The following KLHL29 variants were observed in gnomAD, a reference collection of about 807,000 sequenced individuals.
KLHL29 encodes kelch like family member 29, also known as kelch-like protein 29.
Under a neutral mutation model 80.4 loss-of-function variants are expected in KLHL29, and 21 were observed. The observed-to-expected ratio is 0.26, with a 90% CI of 0.19 to 0.38. The LOEUF (loss-of-function observed/expected upper bound fraction) is 0.38, where lower values mean the gene tolerates loss of function less well. Ranked by LOEUF, KLHL29 falls within the 10% of genes least tolerant of loss-of-function variation. The pLI, the probability that KLHL29 is intolerant of heterozygous loss-of-function variation, is 1.00. For synonymous variants in KLHL29, 511 were observed against 526.8 expected (o/e 0.97, Z 0.41); for missense variants, 867 against 1,223.9 (o/e 0.71, Z 4.35).
intron 3 of KLHL29, among the ~76,000 whole-genome samples, chr2:23,576,730 G>A (rs376119075): frequency 1.6e-4 from 24 of 152,302 alleles, no homozygotes; most frequent in East Asian, 5.8e-4. Context: ...AGTAACCGCC[G>A]CGTCCAGCAA....
At chr2:23,550,303 G>A (rs1000649500) in intron 2 of KLHL29, among the ~76,000 whole-genome samples, 9 of 152,126 alleles carry the variant, frequency 5.9e-5, no homozygotes, top group Non-Finnish European at 2.9e-5. Context: ...CTCATGGAGT[G>A]GAGCGCCAGA....
At chr2:23,493,530 A>G (rs1665166549) in intron 2 of KLHL29, among the ~76,000 whole-genome samples, 3 of 152,164 alleles carry the variant, frequency 2.0e-5, no homozygotes, top group Admixed American at 2.0e-4. Flanking sequence ...GAATACATTT[A>G]TTTCTTCTAA....
In KLHL29 at chr2:23,646,360, G is replaced by A. The variant is rs191844343; in HGVS notation, c.940+3510G>A. ...CTGCCTTCTTTGGCAAACAGTTTTTGGTGGCTCAGAGGATGTATGGGGACC... is the reference window on the plus strand; with the variant it reads ...CTGCCTTCTTTGGCAAACAGTTTTTAGTGGCTCAGAGGATGTATGGGGACC... On this transcript the variant is annotated intron_variant, in intron 5 of 13. Coordinates refer to ENST00000486442, the MANE Select transcript of KLHL29 (RefSeq NM_052920.2). 9.2e-5 allele frequency among the ~76,000 whole-genome samples: 14 copies of A among 152,300 alleles called. No individual in the cohort carries two copies. In the East Asian group the frequency reaches 2.7e-3, roughly 29 times the overall value.
At chr2:23,452,037 G>T (rs1572329249) in intron 1 of KLHL29, among the ~76,000 whole-genome samples, 1 of 151,976 alleles carries the variant, frequency 6.6e-6, no homozygotes, top group South Asian at 2.1e-4. Flanking sequence ...TCTTGAAATA[G>T]GTCTTGCATT....
chr2:23,426,741 A>G (rs184550912), intron 1 of KLHL29, among the ~76,000 whole-genome samples: 37 of 152,290 alleles, frequency 2.4e-4, no homozygotes, highest in Non-Finnish European at 4.6e-4. Context: ...TGACTGGGAC[A>G]GCAAAGGGCC....
chr2:23,394,090 G>C (rs1279395345), intron 1 of KLHL29, among the ~76,000 whole-genome samples: 1 of 152,226 alleles, frequency 6.6e-6, no homozygotes, highest in Non-Finnish European at 1.5e-5. Flanking sequence ...TCAAATTAAA[G>C]ACCCAACAGC....
At chr2:23,529,112 A>G (rs539757270) in intron 2 of KLHL29, among the ~76,000 whole-genome samples, 6 of 152,176 alleles carry the variant, frequency 3.9e-5, no homozygotes, top group Admixed American at 6.5e-5. Context: ...GCCCCTTTTT[A>G]CTAATTTTTT....
rs1480326783 is a variant in KLHL29, at chr2:23,670,700, G to C, written c.941-13699G>C. ...ATTGTATAATTTTAAAAGATCGTTAGAAATATGAAAAACTAGAAATGACTC... is the reference window on the plus strand; with the variant it reads ...ATTGTATAATTTTAAAAGATCGTTACAAATATGAAAAACTAGAAATGACTC... On this transcript the variant is annotated intron_variant, in intron 5 of 13. Transcript: ENST00000486442. 3.9e-5 allele frequency among the ~76,000 whole-genome samples: 6 copies of C among 152,092 alleles called. No individual in the cohort carries two copies. In the East Asian group the frequency reaches 1.2e-3, roughly 29 times the overall value.
In KLHL29 at chr2:23,624,566, G is replaced by A. The variant is rs528646939; in HGVS notation, c.286-14573G>A. Among the ~76,000 whole-genome samples, 21 of 152,306 alleles carry A rather than the reference G, an allele frequency of 1.4e-4. No individual in the cohort carries two copies. The South Asian group carries it at 4.1e-3, about 30-fold the overall frequency. On this transcript the variant is annotated intron_variant, in intron 3 of 13. Coordinates refer to ENST00000486442, the MANE Select transcript of KLHL29 (RefSeq NM_052920.2). ...TTCAGACCACCCGCCACCAGAGGTC[G>A]TGATGCTTTGGTCTCACAGCCAATA...
At chr2:23,547,765 C>T (rs1043644098) in intron 2 of KLHL29, among the ~76,000 whole-genome samples, 9 of 152,002 alleles carry the variant, frequency 5.9e-5, no homozygotes, top group African/African-American at 1.4e-4. Flanking sequence ...TTGCTACTTA[C>T]ATCCTGCTGA....
intron 2 of KLHL29, among the ~76,000 whole-genome samples, chr2:23,512,580 T>G (rs1168295402): frequency 6.6e-6 from 1 of 152,222 alleles, no homozygotes; most frequent in East Asian, 1.9e-4. Flanking sequence ...TCAATATGGC[T>G]TTTTCCACCC....
chr2:23,425,770 A>G (rs542572962), intron 1 of KLHL29, among the ~76,000 whole-genome samples: 4 of 152,136 alleles, frequency 2.6e-5, no homozygotes, highest in Non-Finnish European at 5.9e-5. Flanking sequence ...CTGTCACATG[A>G]CTTGGCAGAA....
At chr2:23,580,917 G>A (rs1667965024) in intron 3 of KLHL29, among the ~76,000 whole-genome samples, 1 of 151,830 alleles carries the variant, frequency 6.6e-6, no homozygotes, top group African/African-American at 2.4e-5. Context: ...GGAGGAGGTT[G>A]CAGTGAGCCG....
intron 3 of KLHL29, among the ~76,000 whole-genome samples, chr2:23,576,327 A>G: frequency 6.7e-6 from 1 of 149,284 alleles, no homozygotes; most frequent in African/African-American, 2.5e-5. Flanking sequence ...AAAAAAAACG[A>G]AATATGCTGA....
chr2:23,432,092 C>T lies in KLHL29; in HGVS notation c.-153-43468C>T, dbSNP rs572216066. ...AGTTTCCTCAATCTCTTTCTTGTTT[C>T]GGGTTTTGATGCACATATAAACACG... On this transcript the variant is annotated intron_variant, in intron 1 of 13. Coordinates refer to ENST00000486442, the MANE Select transcript of KLHL29 (RefSeq NM_052920.2). Among the ~76,000 whole-genome samples the T allele has an allele frequency of 3.3e-5, 5 of 152,192 alleles. No homozygotes were observed. The East Asian group carries it at 9.7e-4, about 29-fold the overall frequency.
chr2:23,639,086 T>C, intron 3 of KLHL29, 53 bp from the exon 4 acceptor site: 1 of 1,471,868 alleles, frequency 6.8e-7, no homozygotes. Flanking sequence ...AGTCTTGTTC[T>C]GGAGGCTGGT....
chr2:23,460,682 C>T (rs539578911), intron 1 of KLHL29, among the ~76,000 whole-genome samples: 67 of 152,066 alleles, frequency 4.4e-4, no homozygotes, highest in African/African-American at 1.6e-3. Flanking sequence ...GGCATGGAGC[C>T]GTGAAGGGAG....
chr2:23,464,231 C>T (rs916152425), intron 1 of KLHL29, among the ~76,000 whole-genome samples: 2 of 152,224 alleles, frequency 1.3e-5, no homozygotes, highest in African/African-American at 4.8e-5. Context: ...GTTTCCAGCA[C>T]AGTGTGTTTG....
chr2:23,680,295 T>C lies in KLHL29; in HGVS notation c.941-4104T>C, dbSNP rs111238141. ...GGGAAGGCCTGCGGATTGCGGGCAGTGGACCGTCTTCCACGGGAAGAGGAG... is the reference window on the plus strand; with the variant it reads ...GGGAAGGCCTGCGGATTGCGGGCAGCGGACCGTCTTCCACGGGAAGAGGAG... On this transcript the variant is annotated intron_variant, in intron 5 of 13. Coordinates refer to ENST00000486442, the MANE Select transcript of KLHL29 (RefSeq NM_052920.2). This position sits in a 1 kb window ranked among gnomAD's most constrained non-coding sequence, Gnocchi z 4.1. 1.0e-3 allele frequency among the ~76,000 whole-genome samples: 154 copies of C among 152,156 alleles called. No homozygotes were observed. The highest frequency in any genetic ancestry group is 3.4e-3 in the African/African-American group (142 of 41,508).
Sources: gnomAD v4.1 joint callset for allele counts (sites outside exome capture counted in the v4.1 genomes callset) on GRCh38, gnomAD v4.1.1 for gene constraint, Gnocchi (gnomAD v3.1) non-coding constraint, MANE v1.5 for transcripts, NCBI Gene and HGNC (gene_info 2026-07-23, HGNC 2026-07-21) for gene names.